The following CACNB4 variants were observed in gnomAD, a reference collection of about 807,000 sequenced individuals.
CACNB4 encodes the protein calcium voltage-gated channel auxiliary subunit beta 4, also known as voltage-dependent L-type calcium channel subunit beta-4.
A neutral mutation model predicts 71.2 loss-of-function variants in CACNB4; 32 were observed. The ratio of observed to expected loss-of-function variants is 0.45; its 90% CI spans 0.34 to 0.60. The LOEUF is 0.60. CACNB4 is among the 20% of genes least tolerant of loss of function. The pLI is 0.01. For synonymous variants in CACNB4, 231 were observed against 236.9 expected (o/e 0.97, Z 0.23); for missense variants, 464 against 647.9 (o/e 0.72, Z 3.08).
At chr2:152,027,156 G>C (rs957797832) in intron 2 of CACNB4, among the ~76,000 whole-genome samples, 52 of 152,304 alleles carry the variant, frequency 3.4e-4, no homozygotes, top group African/African-American at 1.2e-3. Flanking sequence ...GCCCACCTCA[G>C]CCTCCCAAAG....
intron 2 of CACNB4, among the ~76,000 whole-genome samples, chr2:152,058,193 A>G (rs1166497613): frequency 5.3e-5 from 8 of 152,174 alleles, no homozygotes. Context: ...TTAAACCTCT[A>G]TCCTTTATAA....
intron 2 of CACNB4, among the ~76,000 whole-genome samples, chr2:152,053,859 G>T (rs1439479316): frequency 6.6e-6 from 1 of 152,052 alleles, no homozygotes; most frequent in African/African-American, 2.4e-5. Flanking sequence ...CAAAATGAGG[G>T]TCATGGGAAT....
At chr2:151,931,844 T>C (rs1011009702) in intron 2 of CACNB4, among the ~76,000 whole-genome samples, 2 of 152,192 alleles carry the variant, frequency 1.3e-5, no homozygotes, top group African/African-American at 4.8e-5. Flanking sequence ...TAAATTTCCA[T>C]TAGTAAGTTA....
intron 2 of CACNB4, among the ~76,000 whole-genome samples, chr2:152,029,510 A>AAGAAG: frequency 1.2e-5 from 1 of 83,548 alleles, no homozygotes; most frequent in Non-Finnish European, 1.9e-5. Flanking sequence ...AAAAAAAAAA[A>AAGAAG]AGAAAAGAAA....
In CACNB4 at chr2:151,892,306, G is replaced by A. The variant is rs1290766842; in HGVS notation, c.148-8936C>T. ...TCTTGAGAGTCAGATTCTTGAGAGA[G>A]AGATACGACAACAGGATATATGTTT... On this transcript the variant is annotated intron_variant, in intron 2 of 13. Coordinates refer to ENST00000539935, the MANE Select transcript of CACNB4 (RefSeq NM_000726.5). 7.9e-5 allele frequency among the ~76,000 whole-genome samples: 12 copies of A among 151,596 alleles called. No homozygotes were observed. In the East Asian group the frequency reaches 2.3e-3, roughly 29 times the overall value.
chr2:151,905,730 G>A (rs112099651), intron 2 of CACNB4, among the ~76,000 whole-genome samples: 35 of 152,316 alleles, frequency 2.3e-4, no homozygotes, highest in African/African-American at 7.7e-4. Flanking sequence ...TGACCAGCGA[G>A]CTTGACAGCT....
intron 2 of CACNB4, among the ~76,000 whole-genome samples, chr2:151,927,017 T>C (rs1417912035): frequency 6.6e-6 from 1 of 152,210 alleles, no homozygotes; most frequent in Non-Finnish European, 1.5e-5. Context: ...TTTTTTAGCC[T>C]TATGTTTCAC....
chr2:151,922,943 A>G lies in CACNB4; in HGVS notation c.148-39573T>C, dbSNP rs755101193. On this transcript the variant is annotated intron_variant, in intron 2 of 13. Transcript: ENST00000539935. ...CTCAAGTTGGAATCTCTCTACATTC[A>G]TATTTGTGAGTCTATGAGGATTGCC... Among the ~76,000 whole-genome samples the G allele has an allele frequency of 5.3e-5, 8 of 152,300 alleles. No individual in the cohort carries two copies. In the South Asian group the frequency reaches 6.2e-4, roughly 12 times the overall value.
chr2:152,051,373 T>C (rs1404368389), intron 2 of CACNB4, among the ~76,000 whole-genome samples: 2 of 152,182 alleles, frequency 1.3e-5, no homozygotes. Flanking sequence ...CAACCAGTTT[T>C]AGATTATTTT....
intron 2 of CACNB4, among the ~76,000 whole-genome samples, chr2:152,004,424 C>T (rs1012263044): frequency 1.3e-5 from 2 of 152,030 alleles, no homozygotes; most frequent in Non-Finnish European, 2.9e-5. Context: ...TGTGCAAGCC[C>T]CATGTTAAGG....
chr2:152,059,991 A>G (rs1390739492), intron 2 of CACNB4, among the ~76,000 whole-genome samples: 1 of 152,184 alleles, frequency 6.6e-6, no homozygotes, highest in Non-Finnish European at 1.5e-5. Flanking sequence ...TCCTGCCACC[A>G]TGTGAAGAAG....
At chr2:151,973,429 T>C in intron 2 of CACNB4, 1 of 550,504 alleles carries the variant, frequency 1.8e-6, no homozygotes, top group South Asian at 2.4e-5. Context: ...TCAAACAGCC[T>C]ACACTCTTGA....
At chr2:151,907,410 A>G (rs987147109) in intron 2 of CACNB4, among the ~76,000 whole-genome samples, 3 of 152,234 alleles carry the variant, frequency 2.0e-5, no homozygotes, top group African/African-American at 7.2e-5. Flanking sequence ...TTTTGGAATA[A>G]TTTTAGATTT....
In CACNB4 at chr2:151,875,886, G is replaced by A. The variant is rs558069546; in HGVS notation, c.521+540C>T. Among the ~76,000 whole-genome samples, 718 of 142,888 alleles carry A rather than the reference G, an allele frequency of 5.0e-3. 1 individual carries two copies. Among genetic ancestry groups the A allele is most frequent in the Non-Finnish European group, 7.3e-3 (473 of 64,364 alleles). 93.7% of individuals were successfully genotyped at this position (142,888 alleles called of 152,430 possible). On this transcript the variant is annotated intron_variant, in intron 5 of 13. Coordinates refer to ENST00000539935, the MANE Select transcript of CACNB4 (RefSeq NM_000726.5). ...CCCTCCCGGACGGGGCGGCTGGCCG[G>A]GCAGAGGGGCTCCTCACTTCCCAGT...
At chr2:152,085,796 T>C (rs1687628040) in intron 2 of CACNB4, among the ~76,000 whole-genome samples, 1 of 146,966 alleles carries the variant, frequency 6.8e-6, no homozygotes, top group Admixed American at 7.1e-5. Context: ...GTCTTTTTGA[T>C]AACCTGCTGC....
intron 2 of CACNB4, among the ~76,000 whole-genome samples, chr2:152,089,205 A>C (rs1160622760): frequency 6.6e-6 from 1 of 152,204 alleles, no homozygotes; most frequent in East Asian, 1.9e-4. Flanking sequence ...TGGTTCATGA[A>C]GTACAAGGGC....
intron 2 of CACNB4, among the ~76,000 whole-genome samples, chr2:151,889,385 G>C (rs1176057806): frequency 6.7e-6 from 1 of 148,308 alleles, no homozygotes; most frequent in East Asian, 2.0e-4. Flanking sequence ...AGAATTGTTT[G>C]AACCCAGGAG....
At chr2:152,072,526 G>A (rs142404273) in intron 2 of CACNB4, among the ~76,000 whole-genome samples, 2 of 152,152 alleles carry the variant, frequency 1.3e-5, no homozygotes, top group Non-Finnish European at 2.9e-5. Context: ...GTCAAATTTA[G>A]TAACAGTTAT....
intron 2 of CACNB4, among the ~76,000 whole-genome samples, chr2:152,011,525 C>T (rs144235456): frequency 2.6e-4 from 40 of 152,342 alleles, no homozygotes; most frequent in African/African-American, 8.9e-4. Context: ...AGAACCCTGC[C>T]GTCCCAGTAG....
Sources: gnomAD v4.1 joint callset for allele counts (sites outside exome capture counted in the v4.1 genomes callset) on GRCh38, gnomAD v4.1.1 for gene constraint, MANE v1.5 for transcripts, NCBI Gene and HGNC (gene_info 2026-07-23, HGNC 2026-07-21) for gene names.